The following ZNF439 variants were observed in gnomAD, a reference collection of about 807,000 sequenced individuals.
ZNF439 encodes the protein zinc finger protein 439.
In ZNF439, 40 loss-of-function variants were observed where a neutral mutation model predicts 47.3. The observed-to-expected ratio is 0.85, with a 90% CI of 0.66 to 1.10. ZNF439 has a LOEUF of 1.10. ZNF439 is among the 50% of genes least tolerant of loss of function. The pLI is 0.00. For synonymous variants in ZNF439, 171 were observed against 198.8 expected (o/e 0.86, Z 1.18); for missense variants, 556 against 601.1 (o/e 0.93, Z 0.78).
intron 1 of ZNF439, among the ~76,000 whole-genome samples, chr19:11,864,360 G>C (rs1441480972): frequency 2.0e-5 from 3 of 151,928 alleles, no homozygotes; most frequent in African/African-American, 2.4e-5. Flanking sequence ...TGCAATGGTG[G>C]GATTTTGGCT....
intron 1 of ZNF439, chr19:11,850,300 C>CTGACCTCAAG (rs1171263231): frequency 1.3e-5 from 2 of 152,158 alleles, no homozygotes; most frequent in Non-Finnish European, 2.9e-5. Context: ...TCTCAAACTC[C>CTGACCTCAAG]TGACCTCAAG....
intron 1 of ZNF439, chr19:11,850,806 G>A (rs1976216032): frequency 6.6e-6 from 1 of 152,342 alleles, no homozygotes; most frequent in East Asian, 1.9e-4. Context: ...CAGGCGAGAG[G>A]ATCACTTGAG....
intron 1 of ZNF439, chr19:11,857,905 T>G (rs1976429861): frequency 6.6e-6 from 1 of 152,202 alleles, no homozygotes; most frequent in African/African-American, 2.4e-5. Context: ...CCTGCTTCCT[T>G]TCTCTGAATA....
At position 11,851,953 on chromosome 19, in the gene ZNF439, C is replaced by G. The variant is rs367942050; in HGVS notation, c.63+3023C>G. Among the ~76,000 whole-genome samples the G allele has an allele frequency of 1.1e-4, 16 of 152,280 alleles. No individual in the cohort carries two copies. In the South Asian group the frequency reaches 3.3e-3, roughly 32 times the overall value. On this transcript the variant is annotated intron_variant, in intron 1 of 3. Transcript: ENST00000682736. ...GTTAGCCAGTGCACCTGGCTAACAA[C>G]TTAATTTGTTATCGTTTGCTTTTTT...
At chr19:11,864,532 A>C (rs774579) in intron 1 of ZNF439, among the ~76,000 whole-genome samples, 1 of 152,170 alleles carries the variant, frequency 6.6e-6, no homozygotes, top group African/African-American at 2.4e-5. Context: ...GCTGACCTCA[A>C]GTGAACCACC....
intron 1 of ZNF439, among the ~76,000 whole-genome samples, chr19:11,854,592 T>C (rs1305369572): frequency 6.6e-6 from 1 of 152,164 alleles, no homozygotes; most frequent in African/African-American, 2.4e-5. Flanking sequence ...ACCCCGTCTC[T>C]ACTAAAAATA....
At chr19:11,853,291 C>G (rs137922532) in intron 1 of ZNF439, among the ~76,000 whole-genome samples, 2,203 of 152,166 alleles carry the variant, frequency 0.014, 28 homozygotes, top group Non-Finnish European at 0.018. Flanking sequence ...GTACCACGGA[C>G]CCTACTGGAT....
Position 11,855,171 on chromosome 19 carries a change from T to C in ZNF439, c.63+6241T>C, listed in dbSNP as rs1976351805. Among the ~76,000 whole-genome samples the C allele has an allele frequency of 3.3e-5, 5 of 152,206 alleles. 1 individual carries two copies. The South Asian group carries it at 1.0e-3, about 32-fold the overall frequency. ...GTATAAAGAAGAAGTATTAAAAGCT[T>C]ACCACCAATGCCAGCCAAGTTTGTG... On this transcript the variant is annotated intron_variant, in intron 1 of 3. Coordinates refer to ENST00000682736, the MANE Select transcript of ZNF439 (RefSeq NM_001348719.2).
intron 3 of ZNF439, 31 bp downstream of exon 3, chr19:11,866,628 C>A (rs770839238): frequency 1.3e-6 from 2 of 1,595,644 alleles, no homozygotes; most frequent in Non-Finnish European, 1.7e-6. Context: ...AAAGCAGTGT[C>A]TCTCTACACG....
intron 1 of ZNF439, among the ~76,000 whole-genome samples, chr19:11,863,955 C>T (rs145139107): frequency 6.4e-4 from 98 of 152,160 alleles, no homozygotes; most frequent in Non-Finnish European, 1.1e-3. Context: ...AACTGCGGGG[C>T]TCAAATGATC....
chr19:11,867,146 C>A (rs1407945278), intron 3 of ZNF439, among the ~76,000 whole-genome samples, 160 bp from the exon 4 acceptor site: 1 of 152,206 alleles, frequency 6.6e-6, no homozygotes, highest in Non-Finnish European at 1.5e-5. Context: ...GGCTAGGTCA[C>A]CTTGTAGAAT....
At chr19:11,849,181 C>CG in intron 1 of ZNF439, 1 of 1,074,822 alleles carries the variant, frequency 9.3e-7, no homozygotes, top group Non-Finnish European at 1.1e-6. Flanking sequence ...CGCAGCCCGA[C>CG]GCCCCAGCTT....
intron 1 of ZNF439, among the ~76,000 whole-genome samples, chr19:11,865,072 A>C (rs1976636811): frequency 6.6e-6 from 1 of 152,158 alleles, no homozygotes; most frequent in Admixed American, 6.5e-5. Context: ...GAGCCACCGC[A>C]CCAGGCCAAG....
At chr19:11,859,668 C>A (rs982676486) in intron 1 of ZNF439, among the ~76,000 whole-genome samples, 6 of 152,034 alleles carry the variant, frequency 3.9e-5, no homozygotes, top group African/African-American at 1.4e-4. Flanking sequence ...TTGAATCGGG[C>A]CTTATGGAAA....
intron 1 of ZNF439, chr19:11,865,949 C>T (rs1976667254): frequency 8.9e-7 from 1 of 1,123,392 alleles, no homozygotes; most frequent in East Asian, 3.6e-5. Flanking sequence ...AGCACTTGAA[C>T]CCCGGCAGTG....
rs181922976 is a variant in ZNF439, at chr19:11,854,673, G to T, written c.63+5743G>T. 5.4e-3 allele frequency among the ~76,000 whole-genome samples: 818 copies of T among 152,214 alleles called. 8 individuals carry two copies. Among genetic ancestry groups the T allele is most frequent in the Non-Finnish European group, 8.3e-3 (567 of 68,012 alleles). Reference sequence around the variant, plus strand: ...CTCAGGAGGCTGAGGCAGGAGAATTGCTTGAACCCAGGAGGCAGAGGTTGC... The same window carrying T: ...CTCAGGAGGCTGAGGCAGGAGAATTTCTTGAACCCAGGAGGCAGAGGTTGC... On this transcript the variant is annotated intron_variant, in intron 1 of 3. Coordinates refer to ENST00000682736, the MANE Select transcript of ZNF439 (RefSeq NM_001348719.2).
chr19:11,848,937 G>A lies in ZNF439; in HGVS notation c.63+7G>A. 4 of 1,560,150 alleles carry A rather than the reference G, an allele frequency of 2.6e-6. No individual in the cohort carries two copies. The highest frequency in any genetic ancestry group is 4.3e-4 in the Middle Eastern group (2 of 4,632). On this transcript the variant is annotated splice_region_variant and intron_variant, in intron 1 of 3. Transcript: ENST00000682736. ...ATCTGAAAGCCGGGAAATGGTGCGT[G>A]TGCTGGCCGGGAGTGGTGCGATGGG...
In ZNF439 at chr19:11,868,508, AC is replaced by A; in HGVS notation, c.1455del (p.Arg487AspfsTer64). On this transcript the variant is annotated frameshift_variant, in exon 4 of 4. Coordinates refer to ENST00000682736, the MANE Select transcript of ZNF439 (RefSeq NM_001348719.2). LOFTEE classifies it high-confidence loss of function. ...KCGKAFRYVQ[N>X]FRFHERTQTH... Reference sequence around the variant, plus strand: ...GGGAAAGCCTTCAGATATGTCCAGAACTTTCGATTTCATGAAAGGACACAAA... The same window carrying A: ...GGGAAAGCCTTCAGATATGTCCAGAATTTCGATTTCATGAAAGGACACAAA... 8 of 1,611,326 alleles carry A rather than the reference AC, an allele frequency of 5.0e-6. No individual in the cohort carries two copies. Among genetic ancestry groups the A allele is most frequent in the Non-Finnish European group, 6.8e-6 (8 of 1,179,070 alleles).
chr19:11,848,750 G>A lies in ZNF439; in HGVS notation c.-118G>A. ...CACTGTGCATCCAGGCACGGAGGAT[G>A]TTGCATTCCTGCCGTCACCTTTGTC... On this transcript the variant is annotated 5_prime_UTR_variant, in exon 1 of 4. The change abolishes an upstream ATG in the 5' untranslated region. Transcript: ENST00000682736. 1 of 1,244,636 alleles carries A rather than the reference G, an allele frequency of 8.0e-7. No individual in the cohort carries two copies. Among genetic ancestry groups the A allele is most frequent in the Non-Finnish European group, 1.0e-6 (1 of 966,444 alleles). 77.1% of individuals were successfully genotyped at this position (1,244,636 alleles called of 1,614,324 possible).
Sources: allele counts gnomAD v4.1 joint callset (sites outside exome capture counted in the v4.1 genomes callset), GRCh38; gene constraint gnomAD v4.1.1; transcripts MANE v1.5; gene names NCBI Gene and HGNC (gene_info 2026-07-23, HGNC 2026-07-21).